ZNF33A: variants seen among roughly 807,000 people sequenced by gnomAD.
ZNF33A encodes the protein zinc finger protein 33A, also known as brain my041 protein.
ZNF33A carries 9 observed loss-of-function variants against 15.9 expected under a neutral mutation model. That is an observed-to-expected ratio of 0.57 (90% CI 0.34 to 0.99). ZNF33A has a LOEUF of 0.99. Among genes scored for constraint, ZNF33A ranks in the 50% least tolerant of loss-of-function variants. The pLI is 0.02. For synonymous variants in ZNF33A, 294 were observed against 324.2 expected (o/e 0.91, Z 1.00); for missense variants, 843 against 941.6 (o/e 0.90, Z 1.37).
At chr10:38,035,502 ATTTTATAAT>A (rs1194446033) in intron 4 of ZNF33A, among the ~76,000 whole-genome samples, 5 of 152,188 alleles carry the variant, frequency 3.3e-5, no homozygotes. Context: ...GTGGAAAATA[ATTTTATAAT>A]TTTATCAACT....
At chr10:38,010,836 G>A in intron 1 of ZNF33A, 53 bp downstream of exon 1, 2 of 1,593,372 alleles carry the variant, frequency 1.3e-6, no homozygotes, top group African/African-American at 1.3e-5. Context: ...CGCGACTCCT[G>A]GGGCGGGCGG....
At chr10:38,043,722 T>G (rs2065818254) in intron 4 of ZNF33A, among the ~76,000 whole-genome samples, 1 of 152,140 alleles carries the variant, frequency 6.6e-6, no homozygotes. Context: ...TCATCCTGCC[T>G]CCTTCTGGCC....
chr10:38,026,320 G>GTAGA (rs77902794), intron 4 of ZNF33A, among the ~76,000 whole-genome samples: 25,257 of 151,584 alleles, frequency 0.17, 2,292 homozygotes, highest in East Asian at 0.4. Context: ...TTTTTAATGT[G>GTAGA]TAGATAGATA....
chr10:38,043,519 A>AAG (rs894121665), intron 4 of ZNF33A, among the ~76,000 whole-genome samples: 3 of 151,132 alleles, frequency 2.0e-5, no homozygotes, highest in African/African-American at 7.3e-5. Context: ...TAAAAAAAAA[A>AAG]TAGCTGTGTG....
chr10:38,044,341 G>T (rs1291689321), intron 4 of ZNF33A, among the ~76,000 whole-genome samples: 2 of 150,226 alleles, frequency 1.3e-5, no homozygotes, highest in Non-Finnish European at 3.0e-5. Flanking sequence ...CAGAGTAGCT[G>T]GGATTACAGG....
chr10:38,040,493 G>A (rs633400), intron 4 of ZNF33A, among the ~76,000 whole-genome samples: 1 of 152,214 alleles, frequency 6.6e-6, no homozygotes, highest in Admixed American at 6.5e-5. Context: ...GTAGTACATA[G>A]GCTTAGAATT....
At chr10:38,021,409 T>C (rs2064732460) in intron 4 of ZNF33A, among the ~76,000 whole-genome samples, 1 of 5,940 alleles carries the variant, frequency 1.7e-4, no homozygotes, top group Non-Finnish European at 3.4e-4. Context: ...TAGCAATTGG[T>C]AGAATTACTA....
intron 2 of ZNF33A, among the ~76,000 whole-genome samples, chr10:38,012,963 G>C (rs942607155): frequency 7.2e-5 from 11 of 152,110 alleles, no homozygotes; most frequent in African/African-American, 2.7e-4. Context: ...TCATAACATA[G>C]GGACCCATAG....
At chr10:38,060,465 C>T (rs1248092685), downstream of ZNF33A, among the ~76,000 whole-genome samples, 2 of 152,202 alleles carry the variant, frequency 1.3e-5, no homozygotes, top group African/African-American at 2.4e-5. Flanking sequence ...TACAGCTGCT[C>T]GCCACAACCC....
chr10:38,063,997 A>G (rs1312516393), downstream of ZNF33A: 17 of 1,234,462 alleles, frequency 1.4e-5, no homozygotes, highest in Admixed American at 3.0e-4. Flanking sequence ...GTAGGAAAAC[A>G]GGAAGAAAAG....
At chr10:38,024,133 CAA>C (rs1409115832) in intron 4 of ZNF33A, among the ~76,000 whole-genome samples, 5 of 98,568 alleles carry the variant, frequency 5.1e-5, no homozygotes, top group East Asian at 5.8e-4. Context: ...GCTTGGGCAA[CAA>C]GAGTGAAACT....
In ZNF33A at chr10:38,047,624, C is replaced by CAAAAAAAAAAAAAAAA. The variant is rs554054575; in HGVS notation, c.251-6726_251-6711dup. Among the ~76,000 whole-genome samples the CAAAAAAAAAAAAAAAA allele has an allele frequency of 2.0e-4, 15 of 75,006 alleles. 1 individual carries two copies. Among genetic ancestry groups the CAAAAAAAAAAAAAAAA allele is most frequent in the Admixed American group, 3.5e-4 (2 of 5,648 alleles). The allele number at this position is 75,006 out of a possible 152,430, so 49.2% of individuals were successfully genotyped here. A position where few individuals can be genotyped will look rare whatever the true frequency, so the allele number is the denominator to read the frequency against. On this transcript the variant is annotated intron_variant, in intron 4 of 4. Coordinates refer to ENST00000432900, the MANE Select transcript of ZNF33A (RefSeq NM_006954.2). ...CTGGCGATAGAGCAAGACTCTGTCT[C>CAAAAAAAAAAAAAAAA]AAAAAAAAAAAAAAAAAAAAAAAAA...
Position 38,054,829 on chromosome 10 carries a change from T to C in ZNF33A, c.705T>C (p.Asn235=), listed in dbSNP as rs2066384066. ...QETLLEKAVF[N]TQKRENAEEN... is the part of the protein sequence containing the mutation. Reference sequence around the variant, plus strand: ...CCCTCCTTGAAAAGGCAGTATTCAATACACAGAAGAGAGAGAACGCAGAAG... The same window carrying C: ...CCCTCCTTGAAAAGGCAGTATTCAACACACAGAAGAGAGAGAACGCAGAAG... The change falls in exon 5 of 5, where the codon AAT becomes AAC. Residue 235 remains asparagine, a synonymous_variant. Coordinates refer to ENST00000432900, the MANE Select transcript of ZNF33A (RefSeq NM_006954.2). 2 of 1,613,424 alleles carry C rather than the reference T, an allele frequency of 1.2e-6. No homozygotes were observed. Among genetic ancestry groups the C allele is most frequent in the South Asian group, 2.2e-5 (2 of 91,092 alleles).
chr10:38,039,512 C>T lies in ZNF33A; in HGVS notation c.251-14863C>T, dbSNP rs140941750. 1.8e-4 allele frequency: 81 copies of T among 456,000 alleles called. 1 individual carries two copies. In the East Asian group the frequency reaches 4.7e-3, roughly 26 times the overall value. 28.2% of individuals were successfully genotyped at this position (456,000 alleles called of 1,614,324 possible). ...AAAGTGGTAGGATTACAGGCATGAG[C>T]CACAGCATCCCACCTGTAATGGGGA... On this transcript the variant is annotated intron_variant, in intron 4 of 4. Transcript: ENST00000432900.
downstream of ZNF33A, chr10:38,064,047 C>A: frequency 6.3e-7 from 1 of 1,587,222 alleles, no homozygotes; most frequent in Non-Finnish European, 8.5e-7. Context: ...CTACGACAGA[C>A]ATTTTCAAAT....
chr10:38,017,552 C>G, intron 4 of ZNF33A, 166 bp downstream of exon 4: 1 of 497,786 alleles, frequency 2.0e-6, no homozygotes, highest in South Asian at 3.5e-5. Context: ...CTTCCAGATA[C>G]TACTCACAAA....
chr10:38,028,354 T>G (rs1440534138), intron 4 of ZNF33A, among the ~76,000 whole-genome samples: 1 of 152,162 alleles, frequency 6.6e-6, no homozygotes, highest in African/African-American at 2.4e-5. Flanking sequence ...CAATTATCAT[T>G]TAAACTAATC....
At chr10:38,011,121 C>T (rs2064160915) in intron 1 of ZNF33A, among the ~76,000 whole-genome samples, 2 of 152,136 alleles carry the variant, frequency 1.3e-5, no homozygotes, top group East Asian at 3.9e-4. Context: ...GGTACGTGGG[C>T]GGGGAAAGGC....
chr10:38,050,224 T>C (rs1363842623), intron 4 of ZNF33A, among the ~76,000 whole-genome samples: 2 of 152,166 alleles, frequency 1.3e-5, no homozygotes, highest in Admixed American at 6.5e-5. Flanking sequence ...TATAGACCGG[T>C]GTCCTTCATG....
Sources: allele counts gnomAD v4.1 joint callset (sites outside exome capture counted in the v4.1 genomes callset), GRCh38; gene constraint gnomAD v4.1.1; transcripts MANE v1.5; gene names NCBI Gene and HGNC (gene_info 2026-07-23, HGNC 2026-07-21).